Variants in LPA observed in about 807,000 individuals in gnomAD.
LPA encodes the protein lipoprotein(a).
LPA carries 199 observed loss-of-function variants against 197.9 expected under a neutral mutation model. The ratio of observed to expected loss-of-function variants is 1.01; its 90% CI spans 0.90 to 1.13. The LOEUF (loss-of-function observed/expected upper bound fraction) is 1.13, where lower values mean the gene tolerates loss of function less well. Among genes scored for constraint, LPA ranks in the 50% most tolerant of loss-of-function variants. The pLI, the probability that LPA is intolerant of heterozygous loss-of-function variation, is 0.00. For synonymous variants in LPA, 715 were observed against 639.5 expected (o/e 1.12, Z -1.78); for missense variants, 1,853 against 1,785.8 (o/e 1.04, Z -0.68).
intron 16 of LPA, among the ~76,000 whole-genome samples, chr6:160,607,097 A>G (rs1386157237): frequency 6.6e-6 from 1 of 152,052 alleles, no homozygotes; most frequent in Non-Finnish European, 1.5e-5. Context: ...CTAATGTGCA[A>G]GTTGCAACTA....
chr6:160,575,193 T>C (rs530752813), intron 28 of LPA, among the ~76,000 whole-genome samples: 2 of 152,294 alleles, frequency 1.3e-5, no homozygotes, highest in South Asian at 4.1e-4. Flanking sequence ...CTGTGAGCTT[T>C]TTTTTCTTCA....
chr6:160,634,785 A>G (rs1239429333), intron 7 of LPA, among the ~76,000 whole-genome samples: 1 of 150,638 alleles, frequency 6.6e-6, no homozygotes, highest in Non-Finnish European at 1.5e-5. Flanking sequence ...ATCCCCAGAA[A>G]AGCTTACTGC....
At chr6:160,568,486 T>C (rs1378026852) in intron 28 of LPA, among the ~76,000 whole-genome samples, 2 of 152,204 alleles carry the variant, frequency 1.3e-5, no homozygotes, top group Non-Finnish European at 2.9e-5. Context: ...GGGACATATC[T>C]CAAAATAATA....
chr6:160,547,582 T>C (rs1015494624), intron 32 of LPA, among the ~76,000 whole-genome samples: 1 of 151,946 alleles, frequency 6.6e-6, no homozygotes, highest in African/African-American at 2.4e-5. Context: ...CACCCAACAA[T>C]GGAAACAGTA....
chr6:160,547,398 GA>G (rs1360248524), intron 32 of LPA, among the ~76,000 whole-genome samples: 5 of 152,162 alleles, frequency 3.3e-5, no homozygotes, highest in African/African-American at 1.2e-4. Context: ...AGAGTGATGG[GA>G]AGCAGCAGAA....
At chr6:160,559,740 T>A (rs920901669) in intron 28 of LPA, among the ~76,000 whole-genome samples, 1 of 152,162 alleles carries the variant, frequency 6.6e-6, no homozygotes, top group African/African-American at 2.4e-5. Flanking sequence ...CTTAAATGAG[T>A]CTCCTGAAGG....
chr6:160,647,330 C>T (rs1192126823), intron 2 of LPA, among the ~76,000 whole-genome samples: 2 of 152,194 alleles, frequency 1.3e-5, no homozygotes, highest in African/African-American at 4.8e-5. Flanking sequence ...ATTCGCTCTT[C>T]CTTATGCCTC....
At chr6:160,596,046 T>A (rs1779126444) in intron 20 of LPA, among the ~76,000 whole-genome samples, 1 of 152,238 alleles carries the variant, frequency 6.6e-6, no homozygotes, top group Non-Finnish European at 1.5e-5. Flanking sequence ...CACTAACTAT[T>A]CAGCATCTGG....
At chr6:160,659,167 T>C (rs1167922552) in intron 1 of LPA, among the ~76,000 whole-genome samples, 1 of 152,132 alleles carries the variant, frequency 6.6e-6, no homozygotes, top group East Asian at 1.9e-4. Flanking sequence ...CAGTCTAGCC[T>C]TTTTACATTT....
chr6:160,647,513 A>T (rs1247440855), intron 2 of LPA, among the ~76,000 whole-genome samples: 5 of 152,194 alleles, frequency 3.3e-5, no homozygotes, highest in African/African-American at 1.2e-4. Flanking sequence ...TCATTCAATG[A>T]GCAACTGGAT....
At chr6:160,570,012 T>C (rs1374038148) in intron 28 of LPA, among the ~76,000 whole-genome samples, 1 of 151,974 alleles carries the variant, frequency 6.6e-6, no homozygotes, top group African/African-American at 2.4e-5. Flanking sequence ...TGTGGAGAAA[T>C]AGGAACATTT....
At chr6:160,594,859 C>T (rs1779099106) in intron 21 of LPA, among the ~76,000 whole-genome samples, 1 of 152,182 alleles carries the variant, frequency 6.6e-6, no homozygotes, top group African/African-American at 2.4e-5. Flanking sequence ...CATTTGTTGG[C>T]TATGTACTGC....
chr6:160,606,693 T>A, intron 16 of LPA, 35 bp from the exon 17 acceptor site: 1 of 1,611,464 alleles, frequency 6.2e-7, no homozygotes, highest in South Asian at 1.1e-5. Context: ...TCACAAGAGG[T>A]GGGACAATAT....
Position 160,576,396 on chromosome 6 carries a change from A to ATACATATATATATATATATATATGTG in LPA, c.4631+739_4631+740insCACATATATATATATATATATATGTA, listed in dbSNP as rs1778674416. On this transcript the variant is annotated intron_variant, in intron 28 of 38. Transcript: ENST00000316300. ...TATATATATATATATATATGTATAT[A>ATACATATATATATATATATATATGTG]TATATATATATATATATATGGGTAT... Among the ~76,000 whole-genome samples the ATACATATATATATATATATATATGTG allele has an allele frequency of 2.3e-4, 11 of 46,932 alleles. 1 individual carries two copies. In the East Asian group the frequency reaches 4.0e-3, roughly 17 times the overall value. 30.8% of individuals were successfully genotyped at this position (46,932 alleles called of 152,430 possible). A position where few individuals can be genotyped will look rare whatever the true frequency, so the allele number is the denominator to read the frequency against.
At chr6:160,602,539 A>T (rs558609313) in intron 18 of LPA, among the ~76,000 whole-genome samples, 23 of 152,212 alleles carry the variant, frequency 1.5e-4, no homozygotes, top group Non-Finnish European at 2.6e-4. Flanking sequence ...TGATCAAGAA[A>T]ATATTTTGCA....
intron 30 of LPA, among the ~76,000 whole-genome samples, chr6:160,550,100 A>G (rs1778144020): frequency 6.6e-6 from 1 of 152,140 alleles, no homozygotes; most frequent in Non-Finnish European, 1.5e-5. Context: ...GCACATCTGT[A>G]GTCCCAGCTA....
Position 160,577,650 on chromosome 6 carries a change from G to T in LPA, c.4472-355C>A, listed in dbSNP as rs116995763. On this transcript the variant is annotated intron_variant, in intron 27 of 38. Transcript: ENST00000316300. ...TTGGTGCAGGCTGTAGGAGGTGACT[G>T]GTGGTCAGTCAGGGGCCGACACAAG... 4.5e-3 allele frequency among the ~76,000 whole-genome samples: 681 copies of T among 152,270 alleles called. 9 individuals carry two copies. The highest frequency in any genetic ancestry group is 3.7e-3 in the Non-Finnish European group (252 of 68,030).
rs375026871 is a variant in LPA at position 160,595,459 on chromosome 6, T to C, written c.3364A>G (p.Arg1122Gly). ...PWCYTMDPSV[R>G]WEYCNLTQCL... ...TGTGTCAGGTTGCAGTACTCCCACCTGACACTGGGATCCATGGTGTAACAC... is the reference window on the plus strand; with the variant it reads ...TGTGTCAGGTTGCAGTACTCCCACCCGACACTGGGATCCATGGTGTAACAC... The change falls in exon 21 of 39, where the codon AGG becomes GGG. Residue 1122 changes from arginine to glycine, a missense_variant. Transcript: ENST00000316300. 2 of 1,613,766 alleles carry C rather than the reference T, an allele frequency of 1.2e-6. No homozygotes were observed. Among genetic ancestry groups the C allele is most frequent in the African/African-American group, 1.3e-5 (1 of 74,856 alleles).
At chr6:160,583,682 T>A (rs1040482920) in intron 26 of LPA, among the ~76,000 whole-genome samples, 1 of 152,170 alleles carries the variant, frequency 6.6e-6, no homozygotes, top group African/African-American at 2.4e-5. Context: ...TGAAGAGACT[T>A]CTGTGTGTAT....
Sources: allele counts gnomAD v4.1 joint callset (sites outside exome capture counted in the v4.1 genomes callset), GRCh38; gene constraint gnomAD v4.1.1; transcripts MANE v1.5; gene names NCBI Gene and HGNC (gene_info 2026-07-23, HGNC 2026-07-21).